SCD5: variants seen among roughly 807,000 people sequenced by gnomAD.
SCD5 encodes the protein acyl-CoA-desaturase 4.
A neutral mutation model predicts 30.4 loss-of-function variants in SCD5; 20 were observed. That is an observed-to-expected ratio of 0.66 (90% CI 0.46 to 0.96). The LOEUF (loss-of-function observed/expected upper bound fraction) is 0.96, where lower values mean the gene tolerates loss of function less well. SCD5 is among the 40% of genes least tolerant of loss of function. SCD5 has a pLI of 0.00. For missense variants in SCD5, 381 were observed against 443.3 expected, an observed-to-expected ratio of 0.86 and a Z score of 1.26; for synonymous variants, 173 against 176.4, an observed-to-expected ratio of 0.98 and a Z score of 0.16.
intron 1 of SCD5, among the ~76,000 whole-genome samples, chr4:82,781,869 C>A (rs561196444): frequency 6.6e-6 from 1 of 152,210 alleles, no homozygotes; most frequent in African/African-American, 2.4e-5. Context: ...CATAGCAGCA[C>A]AAAACAGACT....
At chr4:82,741,736 C>A (rs7689387) in intron 1 of SCD5, among the ~76,000 whole-genome samples, 22,281 of 151,654 alleles carry the variant, frequency 0.15, 2,935 homozygotes, top group African/African-American at 0.35. Context: ...CAGATACCTA[C>A]ATGACTGTGA....
rs531193105 is a variant in SCD5 at position 82,714,107 on chromosome 4, G to A, written c.233-8694C>T. On this transcript the variant is annotated intron_variant, in intron 1 of 4. Coordinates refer to ENST00000319540, the MANE Select transcript of SCD5 (RefSeq NM_001037582.3). ...TCTGCCTGTCTGTATCATCAACACCGCCCCACATACTTACATTATTCCCAC... is the reference window on the plus strand; with the variant it reads ...TCTGCCTGTCTGTATCATCAACACCACCCCACATACTTACATTATTCCCAC... Among the ~76,000 whole-genome samples, 145 of 152,072 alleles carry A rather than the reference G, an allele frequency of 9.5e-4. 4 individuals carry two copies. In the South Asian group the frequency reaches 0.028, roughly 29 times the overall value.
intron 3 of SCD5, among the ~76,000 whole-genome samples, chr4:82,679,220 A>AAAGAGAGAAAGAAAGAAAGAAAGAGAG (rs1553915588): frequency 2.5e-4 from 8 of 32,216 alleles, no homozygotes; most frequent in African/African-American, 4.6e-4. Context: ...AAAAAGAAAG[A>AAAGAGAGAAAGAAAGAAAGAAAGAGAG]AAAGAAAGAA....
chr4:82,679,505 C>G (rs1439123134), intron 3 of SCD5, among the ~76,000 whole-genome samples: 1 of 152,138 alleles, frequency 6.6e-6, no homozygotes, highest in Non-Finnish European at 1.5e-5. Context: ...TAATGGCTGA[C>G]ATTCACGAAG....
At position 82,629,834 on chromosome 4, in the gene SCD5, C is replaced by A. The variant is rs1224571956; in HGVS notation, c.*1493G>T. On this transcript the variant is annotated 3_prime_UTR_variant, in exon 5 of 5. Coordinates refer to ENST00000319540, the MANE Select transcript of SCD5 (RefSeq NM_001037582.3). ...GCACTTTACAAAGCAACTTCACACA[C>A]AAATTTTTTTAATCCAGAAGCTACA... 1.3e-5 allele frequency: 2 copies of A among 152,184 alleles called. No homozygotes were observed. Among genetic ancestry groups the A allele is most frequent in the African/African-American group, 4.8e-5 (2 of 41,438 alleles). The allele number at this position is 152,184 out of a possible 1,614,324, so 9.4% of individuals were successfully genotyped here.
chr4:82,638,896 A>G (rs1029147720), intron 3 of SCD5, among the ~76,000 whole-genome samples: 17 of 152,202 alleles, frequency 1.1e-4, no homozygotes, highest in African/African-American at 3.9e-4. Flanking sequence ...ATTCTAACAA[A>G]CATTCTCTGA....
chr4:82,700,604 C>T (rs551465410), intron 2 of SCD5, among the ~76,000 whole-genome samples: 2 of 151,954 alleles, frequency 1.3e-5, no homozygotes, highest in Admixed American at 6.6e-5. Flanking sequence ...AGCAAAATTA[C>T]TCTTCGAAAA....
At chr4:82,789,638 G>C (rs923417561) in intron 1 of SCD5, among the ~76,000 whole-genome samples, 7 of 152,214 alleles carry the variant, frequency 4.6e-5, no homozygotes, top group African/African-American at 1.7e-4. Flanking sequence ...TCTCCAGAGA[G>C]AAACCTGCAG....
At chr4:82,658,630 C>CTTTTTTTTT (rs57727794) in intron 3 of SCD5, among the ~76,000 whole-genome samples, 8 of 116,946 alleles carry the variant, frequency 6.8e-5, no homozygotes, top group East Asian at 5.1e-4. Flanking sequence ...CCACACCTGG[C>CTTTTTTTTT]TTTTTTTTTT....
chr4:82,770,358 T>G (rs1490280196), intron 1 of SCD5, among the ~76,000 whole-genome samples: 1 of 152,212 alleles, frequency 6.6e-6, no homozygotes, highest in Non-Finnish European at 1.5e-5. Flanking sequence ...CTCCCTTCTC[T>G]TTGATAGCTG....
intron 3 of SCD5, among the ~76,000 whole-genome samples, chr4:82,659,367 T>A (rs1253460338): frequency 6.6e-6 from 1 of 152,230 alleles, no homozygotes; most frequent in South Asian, 2.1e-4. Flanking sequence ...TCTTATCTTC[T>A]GCTAGCTTTT....
chr4:82,747,003 G>C lies in SCD5; in HGVS notation c.233-41590C>G, dbSNP rs528125136. Reference sequence around the variant, plus strand: ...GGAACACACCCACAGACCAGCAACAGTGGAATGACACAGGCACCAAGGGGA... The same window carrying C: ...GGAACACACCCACAGACCAGCAACACTGGAATGACACAGGCACCAAGGGGA... On this transcript the variant is annotated intron_variant, in intron 1 of 4. Transcript: ENST00000319540. Among the ~76,000 whole-genome samples the C allele has an allele frequency of 2.0e-5, 3 of 151,608 alleles. No homozygotes were observed. In the East Asian group the frequency reaches 5.8e-4, roughly 29 times the overall value.
At chr4:82,758,753 T>C (rs1721283417) in intron 1 of SCD5, among the ~76,000 whole-genome samples, 1 of 151,898 alleles carries the variant, frequency 6.6e-6, no homozygotes, top group Admixed American at 6.6e-5. Context: ...GTCCCATCAG[T>C]GTTCAGCTGG....
At chr4:82,684,674 A>G (rs2148822399) in intron 2 of SCD5, among the ~76,000 whole-genome samples, 1 of 152,296 alleles carries the variant, frequency 6.6e-6, no homozygotes, top group East Asian at 1.9e-4. Context: ...TGGCCCAACC[A>G]TCTCAACCTT....
chr4:82,785,778 T>C (rs1721972413), intron 1 of SCD5, among the ~76,000 whole-genome samples: 3 of 152,040 alleles, frequency 2.0e-5, no homozygotes, highest in Non-Finnish European at 4.4e-5. Context: ...AGCCAAACAA[T>C]GGATGTGGGG....
Position 82,633,118 on chromosome 4 carries a change from T to C in SCD5, c.803-1601A>G, listed in dbSNP as rs184118089. Among the ~76,000 whole-genome samples, 294 of 152,324 alleles carry C rather than the reference T, an allele frequency of 1.9e-3. 1 individual carries two copies. The highest frequency in any genetic ancestry group is 6.8e-3 in the African/African-American group (284 of 41,582). Reference sequence around the variant, plus strand: ...TGTTCCTCTAGTCAGACTGAAAATTTGTACCCTTTGACCAATATCTCTCAA... The same window carrying C: ...TGTTCCTCTAGTCAGACTGAAAATTCGTACCCTTTGACCAATATCTCTCAA... On this transcript the variant is annotated intron_variant, in intron 4 of 4. Transcript: ENST00000319540.
intron 1 of SCD5, among the ~76,000 whole-genome samples, chr4:82,723,303 T>C (rs1164319349): frequency 1.3e-5 from 2 of 152,190 alleles, no homozygotes; most frequent in East Asian, 3.8e-4. Flanking sequence ...TAAATGTAGA[T>C]GTGGATCCGC....
intron 1 of SCD5, among the ~76,000 whole-genome samples, chr4:82,784,299 G>A (rs150772787): frequency 4.1e-4 from 62 of 152,232 alleles, no homozygotes; most frequent in African/African-American, 1.3e-3. Context: ...TTTGAGTGAC[G>A]CTGACCCCAG....
intron 1 of SCD5, among the ~76,000 whole-genome samples, chr4:82,754,131 T>C (rs971506469): frequency 2.0e-5 from 3 of 152,104 alleles, no homozygotes; most frequent in Non-Finnish European, 4.4e-5. Context: ...TGGCTTCTTA[T>C]GTGGAGGAAA....
Sources: allele counts gnomAD v4.1 joint callset (sites outside exome capture counted in the v4.1 genomes callset), GRCh38; gene constraint gnomAD v4.1.1; transcripts MANE v1.5; gene names NCBI Gene and HGNC (gene_info 2026-07-23, HGNC 2026-07-21).